Variants in HLCS observed in about 807,000 individuals in gnomAD.
HLCS encodes the protein holocarboxylase synthetase.
HLCS carries 53 observed loss-of-function variants against 75.0 expected under a neutral mutation model. That is an observed-to-expected ratio of 0.71 (90% CI 0.57 to 0.89). The LOEUF (loss-of-function observed/expected upper bound fraction) is 0.89. Ranked by LOEUF, HLCS falls within the 40% of genes least tolerant of loss-of-function variation. HLCS has a pLI of 0.00. For missense variants in HLCS, 966 were observed against 1,074.0 expected, an observed-to-expected ratio of 0.90 and a Z score of 1.41; for synonymous variants, 431 against 428.6, an observed-to-expected ratio of 1.01 and a Z score of -0.07.
At chr21:36,866,765 T>C (rs559132316) in intron 6 of HLCS, among the ~76,000 whole-genome samples, 1 of 152,274 alleles carries the variant, frequency 6.6e-6, no homozygotes, top group East Asian at 1.9e-4. Flanking sequence ...AAATTGATGC[T>C]AAATTGGGTA....
At chr21:36,927,403 T>C (rs771368821) in intron 5 of HLCS, among the ~76,000 whole-genome samples, 66 of 152,336 alleles carry the variant, frequency 4.3e-4, no homozygotes, top group Non-Finnish European at 7.1e-4. Context: ...TTTTTTCTCT[T>C]TGGGTCTTGC....
chr21:36,776,573 C>T (rs2060364750), intron 6 of HLCS, among the ~76,000 whole-genome samples: 1 of 152,170 alleles, frequency 6.6e-6, no homozygotes, highest in Non-Finnish European at 1.5e-5. Flanking sequence ...CACCACCATG[C>T]CCGGCTAATT....
chr21:36,853,683 A>G (rs1392067236), intron 6 of HLCS, among the ~76,000 whole-genome samples: 1 of 152,198 alleles, frequency 6.6e-6, no homozygotes, highest in Non-Finnish European at 1.5e-5. Flanking sequence ...AAAGTGAATA[A>G]CTCTAATAAC....
intron 6 of HLCS, among the ~76,000 whole-genome samples, chr21:36,853,720 G>T (rs575911584): frequency 1.3e-5 from 2 of 152,270 alleles, no homozygotes; most frequent in African/African-American, 4.8e-5. Flanking sequence ...CACAAATCAG[G>T]TGGGTTCCAG....
At chr21:36,966,827 G>T (rs1374271570), upstream of HLCS, among the ~76,000 whole-genome samples, 5 of 146,616 alleles carry the variant, frequency 3.4e-5, 1 homozygote, top group Non-Finnish European at 6.1e-5. Flanking sequence ...GGGCGGGGGG[G>T]GGTGAGGCCG....
intron 5 of HLCS, among the ~76,000 whole-genome samples, chr21:36,897,353 A>G (rs545020184): frequency 4.6e-5 from 7 of 152,234 alleles, no homozygotes; most frequent in Non-Finnish European, 8.8e-5. Context: ...ACCAGGATCC[A>G]AGAAAATCAG....
At chr21:36,935,813 T>G (rs1272060085) in intron 4 of HLCS, among the ~76,000 whole-genome samples, 2 of 152,220 alleles carry the variant, frequency 1.3e-5, no homozygotes, top group Non-Finnish European at 2.9e-5. Flanking sequence ...AAAAAGAAAC[T>G]AGCATTTTCC....
At chr21:36,855,150 G>A (rs1363329821) in intron 6 of HLCS, among the ~76,000 whole-genome samples, 5 of 151,926 alleles carry the variant, frequency 3.3e-5, no homozygotes, top group Admixed American at 2.6e-4. Context: ...CACATATTCC[G>A]ATGCATATTA....
intron 3 of HLCS, among the ~76,000 whole-genome samples, chr21:36,938,340 G>A (rs1186300715): frequency 6.6e-6 from 1 of 152,150 alleles, no homozygotes; most frequent in Non-Finnish European, 1.5e-5. Context: ...AATAAGCACT[G>A]AAAATGTACC....
chr21:36,786,793 C>G (rs965299364), intron 6 of HLCS, among the ~76,000 whole-genome samples: 2 of 152,102 alleles, frequency 1.3e-5, no homozygotes, highest in Admixed American at 1.3e-4. Context: ...ATGGGAGGAT[C>G]CAAGGAAATC....
intron 1 of HLCS, among the ~76,000 whole-genome samples, chr21:36,965,058 G>A (rs4816555): frequency 0.41 from 62,056 of 151,956 alleles, 13,409 homozygotes; most frequent in South Asian, 0.53. Context: ...GTACCTTGGG[G>A]GACCTGAGAA....
chr21:36,973,627 C>G (rs1456062861), intron 1 of HLCS: 1 of 152,152 alleles, frequency 6.6e-6, no homozygotes, highest in African/African-American at 2.4e-5. Context: ...CATGCTATTT[C>G]TACCAATCAA....
At chr21:36,802,362 T>G (rs1301456166) in intron 6 of HLCS, among the ~76,000 whole-genome samples, 1 of 152,238 alleles carries the variant, frequency 6.6e-6, no homozygotes, top group Non-Finnish European at 1.5e-5. Context: ...AAGGGGACTA[T>G]GCGCCCAGGA....
intron 6 of HLCS, among the ~76,000 whole-genome samples, chr21:36,782,029 A>G (rs1273236383): frequency 6.8e-6 from 1 of 146,244 alleles, no homozygotes; most frequent in African/African-American, 2.4e-5. Context: ...GCATTCCTAG[A>G]AAAAAAAATC....
At chr21:36,962,005 C>T (rs970010877) in intron 2 of HLCS, 31 bp downstream of exon 2, 5 of 1,267,388 alleles carry the variant, frequency 3.9e-6, no homozygotes, top group Admixed American at 2.4e-5. Flanking sequence ...ACATCAGTTC[C>T]TTATGGGACA....
At chr21:36,966,167 A>G (rs1415566815) in intron 1 of HLCS, among the ~76,000 whole-genome samples, 1 of 152,140 alleles carries the variant, frequency 6.6e-6, no homozygotes, top group African/African-American at 2.4e-5. Flanking sequence ...CCGGCTGTCA[A>G]TCCACAGCTC....
intron 6 of HLCS, among the ~76,000 whole-genome samples, chr21:36,800,040 A>G (rs2145914853): frequency 6.6e-6 from 1 of 152,210 alleles, no homozygotes; most frequent in East Asian, 1.9e-4. Context: ...ACCCATTTCC[A>G]CCATTTCCAC....
rs898565327 is a variant in HLCS, at chr21:36,754,055, A to G, written c.*191T>C. The G allele has an allele frequency of 3.0e-6, 2 of 659,454 alleles. No individual in the cohort carries two copies. Among genetic ancestry groups the G allele is most frequent in the African/African-American group, 3.6e-5 (2 of 54,976 alleles). The allele number at this position is 659,454 out of a possible 1,614,324, so 40.9% of individuals were successfully genotyped here. On this transcript the variant is annotated 3_prime_UTR_variant, in exon 11 of 11. Coordinates refer to ENST00000674895, the MANE Select transcript of HLCS (RefSeq NM_001352514.2). The stretch of plus-strand genomic sequence containing the variant: ...AAACTAAATTTTCTACTTCTTAACC[A>G]TCTATCCCAGAGCCTCTTCAAACAC...
chr21:36,930,115 G>A (rs2066570456), intron 5 of HLCS, 136 bp downstream of exon 5: 2 of 807,260 alleles, frequency 2.5e-6, no homozygotes, highest in Admixed American at 1.9e-5. Flanking sequence ...ACATCTTGAA[G>A]ATGATTTCCA....
Sources: gnomAD v4.1 joint callset for allele counts (sites outside exome capture counted in the v4.1 genomes callset) on GRCh38, gnomAD v4.1.1 for gene constraint, MANE v1.5 for transcripts, NCBI Gene and HGNC (gene_info 2026-07-23, HGNC 2026-07-21) for gene names.